Variants in CNTNAP2 observed in about 807,000 individuals in gnomAD.
The protein encoded by CNTNAP2 is contactin-associated protein-like 2.
Under a neutral mutation model 155.2 loss-of-function variants are expected in CNTNAP2, and 98 were observed. The observed-to-expected ratio is 0.63, with a 90% CI of 0.54 to 0.75. The LOEUF is 0.75. CNTNAP2 is among the 30% of genes least tolerant of loss of function. The pLI is 0.00. For synonymous variants in CNTNAP2, 651 were observed against 631.2 expected, an observed-to-expected ratio of 1.03 and a Z score of -0.47; for missense variants, 1,727 against 1,688.1, an observed-to-expected ratio of 1.02 and a Z score of -0.40.
chr7:147,788,416 A>C (rs1046208914), intron 13 of CNTNAP2, among the ~76,000 whole-genome samples: 4 of 152,126 alleles, frequency 2.6e-5, no homozygotes, highest in African/African-American at 4.8e-5. Context: ...GTTTGTTCTT[A>C]CCACTTATTT....
At chr7:147,805,473 T>A (rs1250303619) in intron 13 of CNTNAP2, among the ~76,000 whole-genome samples, 1 of 152,218 alleles carries the variant, frequency 6.6e-6, no homozygotes, top group Non-Finnish European at 1.5e-5. Context: ...TGAATAAAAG[T>A]GGAGAAAGTG....
At chr7:147,631,398 G>C (rs1795082257) in intron 12 of CNTNAP2, among the ~76,000 whole-genome samples, 1 of 152,112 alleles carries the variant, frequency 6.6e-6, no homozygotes. Flanking sequence ...CTGTGAAAAT[G>C]ACCATACTGC....
chr7:148,292,757 C>G lies in CNTNAP2; in HGVS notation c.3475+25631C>G, dbSNP rs1797210549. 1.3e-5 allele frequency among the ~76,000 whole-genome samples: 2 copies of G among 152,124 alleles called. 1 individual carries two copies. Among genetic ancestry groups the G allele is most frequent in the South Asian group, 4.1e-4 (2 of 4,820 alleles). On this transcript the variant is annotated intron_variant, in intron 21 of 23. Transcript: ENST00000361727. ...GGGACCCTGGCCACCACTTGCAGCC[C>G]AAACACTAGAATGAGGACCAGAGAA...
intron 12 of CNTNAP2, among the ~76,000 whole-genome samples, chr7:147,623,924 C>A (rs1794916922): frequency 6.6e-6 from 1 of 151,536 alleles, no homozygotes; most frequent in African/African-American, 2.4e-5. Flanking sequence ...ACATGTAGAT[C>A]AATGGAACAG....
chr7:148,090,568 A>C (rs1803818278), intron 15 of CNTNAP2, among the ~76,000 whole-genome samples: 1 of 152,134 alleles, frequency 6.6e-6, no homozygotes. Context: ...CAAACCTCTT[A>C]GAATGGCCAT....
chr7:148,000,053 C>T (rs57783871), intron 15 of CNTNAP2, among the ~76,000 whole-genome samples: 5,835 of 152,154 alleles, frequency 0.038, 246 homozygotes, highest in East Asian at 0.25. Flanking sequence ...AATGTGGAGG[C>T]GCAATTCAAG....
At chr7:147,966,524 C>A (rs1801213515) in intron 14 of CNTNAP2, among the ~76,000 whole-genome samples, 1 of 152,024 alleles carries the variant, frequency 6.6e-6, no homozygotes, top group Non-Finnish European at 1.5e-5. Flanking sequence ...AATTAGGTTT[C>A]CCCAGGCTGT....
At chr7:147,300,401 A>G in intron 9 of CNTNAP2, 111 bp downstream of exon 9, 1 of 1,012,194 alleles carries the variant, frequency 9.9e-7, no homozygotes, top group Non-Finnish European at 1.4e-6. Context: ...AGTAGATCTC[A>G]TGACAAAACA....
At chr7:146,383,071 A>G (rs1000554044) in intron 1 of CNTNAP2, among the ~76,000 whole-genome samples, 1 of 152,154 alleles carries the variant, frequency 6.6e-6, no homozygotes, top group African/African-American at 2.4e-5. Flanking sequence ...TTTTCATTGA[A>G]CTCATTGATT....
chr7:146,582,230 G>A (rs1798622965), intron 1 of CNTNAP2, among the ~76,000 whole-genome samples: 1 of 152,110 alleles, frequency 6.6e-6, no homozygotes, highest in South Asian at 2.1e-4. Context: ...AAGGCTTTGA[G>A]ATTATATTTT....
chr7:147,265,857 C>A (rs527638662), intron 8 of CNTNAP2, among the ~76,000 whole-genome samples: 1 of 152,186 alleles, frequency 6.6e-6, no homozygotes, highest in South Asian at 2.1e-4. Context: ...GTGGGAGGGA[C>A]CCAGGTGAAT....
At chr7:147,132,783 A>T (rs1479378308) in intron 8 of CNTNAP2, among the ~76,000 whole-genome samples, 5 of 152,112 alleles carry the variant, frequency 3.3e-5, no homozygotes, top group Non-Finnish European at 7.4e-5. Flanking sequence ...TAATAGATAA[A>T]TTGCTCTTCT....
intron 20 of CNTNAP2, among the ~76,000 whole-genome samples, chr7:148,250,215 C>A (rs1259971618): frequency 6.6e-6 from 1 of 152,224 alleles, no homozygotes; most frequent in Non-Finnish European, 1.5e-5. Context: ...ATCTCCTTTT[C>A]TCAGTGAGGC....
chr7:147,149,721 A>G (rs1039935450), intron 8 of CNTNAP2, among the ~76,000 whole-genome samples: 45 of 152,146 alleles, frequency 3.0e-4, no homozygotes, highest in African/African-American at 1.1e-3. Flanking sequence ...GGATGGATGG[A>G]TAGATAGATA....
intron 20 of CNTNAP2, among the ~76,000 whole-genome samples, chr7:148,258,614 C>T (rs560555063): frequency 2.6e-5 from 4 of 152,132 alleles, no homozygotes; most frequent in South Asian, 2.1e-4. Flanking sequence ...TTTAGAAGGA[C>T]GGGTAGACAC....
At chr7:148,317,043 A>G (rs1316967205) in intron 21 of CNTNAP2, among the ~76,000 whole-genome samples, 4 of 152,194 alleles carry the variant, frequency 2.6e-5, no homozygotes, top group African/African-American at 9.7e-5. Context: ...GCCTGACAGT[A>G]AAGAAGCAGC....
chr7:146,596,004 C>T (rs1287988847), intron 1 of CNTNAP2, among the ~76,000 whole-genome samples: 7 of 151,932 alleles, frequency 4.6e-5, no homozygotes, highest in African/African-American at 1.7e-4. Flanking sequence ...TATTGTAGCA[C>T]TGAAAGTTGT....
chr7:146,691,791 A>G (rs1428665026), intron 1 of CNTNAP2, among the ~76,000 whole-genome samples: 1 of 152,118 alleles, frequency 6.6e-6, no homozygotes, highest in African/African-American at 2.4e-5. Context: ...TATGTCTTGC[A>G]ATGGTCAAGT....
At chr7:148,041,044 T>C (rs1369650631) in intron 15 of CNTNAP2, among the ~76,000 whole-genome samples, 2 of 152,204 alleles carry the variant, frequency 1.3e-5, no homozygotes, top group Admixed American at 1.3e-4. Context: ...AATTCCTAAA[T>C]AAACAAAGCT....
Sources: allele counts gnomAD v4.1 joint callset (sites outside exome capture counted in the v4.1 genomes callset), GRCh38; gene constraint gnomAD v4.1.1; transcripts MANE v1.5; gene names NCBI Gene and HGNC (gene_info 2026-07-23, HGNC 2026-07-21).